Variants in ASIC5 observed in about 807,000 individuals in gnomAD.
The protein encoded by ASIC5 is acid sensing ion channel subunit family member 5, also known as bile acid-sensitive ion channel.
Under a neutral mutation model 51.2 loss-of-function variants are expected in ASIC5, and 52 were observed. That is an observed-to-expected ratio of 1.02 (90% CI 0.81 to 1.28). The LOEUF is 1.28. Ranked by LOEUF, ASIC5 falls within the 50% of genes most tolerant of loss-of-function variation. The pLI is 0.00. For missense variants in ASIC5, 635 were observed against 595.0 expected (o/e 1.07, Z -0.70); for synonymous variants, 231 against 200.7 (o/e 1.15, Z -1.28).
Position 155,854,135 on chromosome 4 carries a change from T to C in ASIC5, c.527A>G (p.Tyr176Cys). Residue 176 changes from tyrosine to cysteine, a missense_variant, in exon 3 of 10, where the codon TAT (tyrosine) becomes TGT (cysteine). Transcript: ENST00000537611. ...IVEFIRNKGFYLNNSTLLDCE... is the reference protein window; with the variant it reads ...IVEFIRNKGFCLNNSTLLDCE... ...GTCCAACAAAGTGCTATTGTTGAGA[T>C]AAAAACCTTTGTTCCTGATAAATTC... 2 of 1,613,420 alleles carry C rather than the reference T, an allele frequency of 1.2e-6. No individual in the cohort carries two copies. Among genetic ancestry groups the C allele is most frequent in the Non-Finnish European group, 1.7e-6 (2 of 1,179,648 alleles).
At chr4:155,855,368 C>G (rs1431444867) in intron 2 of ASIC5, 1 of 151,952 alleles carries the variant, frequency 6.6e-6, no homozygotes, top group Non-Finnish European at 1.5e-5. Context: ...TTCTGGCCAC[C>G]AAAGCAGAAG....
At chr4:155,846,403 A>T (rs1271277018) in intron 4 of ASIC5, among the ~76,000 whole-genome samples, 1 of 152,134 alleles carries the variant, frequency 6.6e-6, no homozygotes, top group Non-Finnish European at 1.5e-5. Context: ...GGTTTAATGA[A>T]AATAGCTGCA....
At chr4:155,833,537 G>T (rs1459713742) in intron 8 of ASIC5, among the ~76,000 whole-genome samples, 5 of 152,108 alleles carry the variant, frequency 3.3e-5, no homozygotes. Flanking sequence ...GATAATCAGG[G>T]ATTACAGTAA....
intron 4 of ASIC5, among the ~76,000 whole-genome samples, chr4:155,850,000 A>G (rs746572258): frequency 1.8e-4 from 27 of 152,126 alleles, no homozygotes; most frequent in Middle Eastern, 3.4e-3. Context: ...TCTGCTAAAA[A>G]TAAGCTTTTG....
chr4:155,862,484 T>G (rs960647432), intron 2 of ASIC5, among the ~76,000 whole-genome samples: 2 of 152,108 alleles, frequency 1.3e-5, no homozygotes, highest in Admixed American at 1.3e-4. Context: ...TGGTGAGTCT[T>G]AAGAAGCCCT....
In ASIC5 at chr4:155,852,365, T is replaced by C. The variant is rs772326049; in HGVS notation, c.586-49A>G. On this transcript the variant is annotated intron_variant, in intron 3 of 9. Coordinates refer to ENST00000537611, the MANE Select transcript of ASIC5 (RefSeq NM_017419.3). ...AAAAACCATCAATTTGATATTTTTG[T>C]CACTTCTCAAGTTTGCCATAACCTT... is the stretch of plus-strand genomic sequence containing the variant. 3 of 1,555,618 alleles carry C rather than the reference T, an allele frequency of 1.9e-6. No individual in the cohort carries two copies. In the South Asian group the frequency reaches 3.6e-5, roughly 19 times the overall value.
intron 8 of ASIC5, among the ~76,000 whole-genome samples, chr4:155,834,309 TA>T (rs1453847491): frequency 6.6e-6 from 1 of 152,172 alleles, no homozygotes; most frequent in Non-Finnish European, 1.5e-5. Flanking sequence ...ATGGTTAAGT[TA>T]GGGGTCGCTT....
At position 155,830,063 on chromosome 4, in the gene ASIC5, A is replaced by G; in HGVS notation, c.1328-17T>C. 1.3e-6 allele frequency: 2 copies of G among 1,485,084 alleles called. No individual in the cohort carries two copies. Among genetic ancestry groups the G allele is most frequent in the Non-Finnish European group, 1.8e-6 (2 of 1,115,848 alleles). 92.0% of individuals were successfully genotyped at this position (1,485,084 alleles called of 1,614,324 possible). On this transcript the variant is annotated splice_polypyrimidine_tract_variant and intron_variant, in intron 9 of 9. Transcript: ENST00000537611. Reference sequence around the variant, plus strand: ...CAAGATCTGCTGTAATAAAACCAATAAAGATTGAATGTCATTATTTTTCAT... The same window carrying G: ...CAAGATCTGCTGTAATAAAACCAATGAAGATTGAATGTCATTATTTTTCAT...
At chr4:155,849,051 G>A (rs746945990) in intron 4 of ASIC5, among the ~76,000 whole-genome samples, 8 of 152,052 alleles carry the variant, frequency 5.3e-5, no homozygotes, top group Non-Finnish European at 5.9e-5. Flanking sequence ...ATAAGAATCT[G>A]TTTTCACTTG....
chr4:155,849,451 T>A (rs1182491747), intron 4 of ASIC5, among the ~76,000 whole-genome samples: 1 of 152,068 alleles, frequency 6.6e-6, no homozygotes, highest in Non-Finnish European at 1.5e-5. Context: ...GTGCACTGTA[T>A]ACAAATAATT....
rs1741051572 is a variant in ASIC5 at position 155,838,818 on chromosome 4, A to G, written c.1061T>C (p.Val354Ala). 5 of 1,578,876 alleles carry G rather than the reference A, an allele frequency of 3.2e-6. No individual in the cohort carries two copies. Among genetic ancestry groups the G allele is most frequent in the Non-Finnish European group, 2.6e-6 (3 of 1,150,074 alleles). The change falls in exon 7 of 10, where the codon GTA becomes GCA. Residue 354 changes from valine to alanine, a missense_variant. Transcript: ENST00000537611. ...LQKYFSCVSPVLDHIEFKDLC... is the reference protein window; with the variant it reads ...LQKYFSCVSPALDHIEFKDLC... Reference sequence around the variant, plus strand: ...AAAGTAAATTAAGCACTTACCAAGTACAGGAGAAACACAGCTGAAGTACTT... The same window carrying G: ...AAAGTAAATTAAGCACTTACCAAGTGCAGGAGAAACACAGCTGAAGTACTT...
intron 2 of ASIC5, among the ~76,000 whole-genome samples, 174 bp downstream of exon 2, chr4:155,863,274 A>C (rs765182311): frequency 6.6e-6 from 1 of 152,152 alleles, no homozygotes; most frequent in Non-Finnish European, 1.5e-5. Flanking sequence ...AGAAGAAATT[A>C]ATGAATTCTT....
chr4:155,833,027 C>G (rs1183019831), intron 8 of ASIC5, among the ~76,000 whole-genome samples: 6 of 152,176 alleles, frequency 3.9e-5, no homozygotes, highest in Non-Finnish European at 8.8e-5. Flanking sequence ...TGCCATCTGA[C>G]ATGACTATAT....
intron 2 of ASIC5, among the ~76,000 whole-genome samples, chr4:155,862,670 A>T (rs980221689): frequency 6.6e-6 from 1 of 152,144 alleles, no homozygotes; most frequent in Non-Finnish European, 1.5e-5. Context: ...AGACACTGGC[A>T]GTAGAGCATT....
chr4:155,862,560 G>T (rs551083047), intron 2 of ASIC5, among the ~76,000 whole-genome samples: 103 of 152,190 alleles, frequency 6.8e-4, no homozygotes, highest in African/African-American at 1.9e-3. Context: ...ACAAAGCATT[G>T]TCTGGAAGCC....
rs766799576 is a variant in ASIC5 at position 155,854,203 on chromosome 4, C to T, written c.459G>A (p.Glu153=). The T allele has an allele frequency of 6.2e-7, 1 of 1,613,260 alleles. No individual in the cohort carries two copies. Among genetic ancestry groups the T allele is most frequent in the East Asian group, 2.2e-5 (1 of 44,816 alleles). The stretch of plus-strand genomic sequence containing the variant: ...GGTGACTTGCAGCAAAATCAGTAGC[C>T]TCTCTAGAGCCAGTGGAATTGGCAG... ...EITANSTGSR[E]ATDFAASHQN... The change falls in exon 3 of 10, where the codon GAG becomes GAA. Residue 153 remains glutamate, a synonymous_variant. Coordinates refer to ENST00000537611, the MANE Select transcript of ASIC5 (RefSeq NM_017419.3).
chr4:155,863,308 GAGTGCAATTTA>G (rs1328726637), intron 2 of ASIC5, 129 bp downstream of exon 2: 3 of 645,162 alleles, frequency 4.6e-6, no homozygotes, highest in Non-Finnish European at 7.8e-6. Context: ...TTGTGCTTTT[GAGTGCAATTTA>G]AGTGCAATTT....
At chr4:155,861,362 G>GA (rs1741701478) in intron 2 of ASIC5, among the ~76,000 whole-genome samples, 2 of 151,842 alleles carry the variant, frequency 1.3e-5, no homozygotes, top group Admixed American at 1.3e-4. Context: ...GTGGGGTATT[G>GA]AAAAATCTAA....
Position 155,836,738 on chromosome 4 carries a change from C to CG in ASIC5, c.1185_1186insC (p.Ala396ArgfsTer24). ...AACTTCTTGGAAAGATATTTCAAAGCTTTTTGACTTGGAAAAGAGGAATAA... is the reference window on the plus strand; with the variant it reads ...AACTTCTTGGAAAGATATTTCAAAGCGTTTTTGACTTGGAAAAGAGGAATAA... On this transcript the variant is annotated frameshift_variant, in exon 8 of 10. Transcript: ENST00000537611. LOFTEE classifies it high-confidence loss of function. 1 of 1,611,642 alleles carries CG rather than the reference C, an allele frequency of 6.2e-7. No homozygotes were observed. The highest frequency in any genetic ancestry group is 8.5e-7 in the Non-Finnish European group (1 of 1,178,170).
Sources: allele counts gnomAD v4.1 joint callset (sites outside exome capture counted in the v4.1 genomes callset), GRCh38; gene constraint gnomAD v4.1.1; transcripts MANE v1.5; gene names NCBI Gene and HGNC (gene_info 2026-07-23, HGNC 2026-07-21).